The following SLC25A13 variants were observed in gnomAD, a reference collection of about 807,000 sequenced individuals.
SLC25A13 encodes electrogenic aspartate/glutamate antiporter SLC25A13, mitochondrial.
Under a neutral mutation model 85.5 loss-of-function variants are expected in SLC25A13, and 70 were observed. That is an observed-to-expected ratio of 0.82 (90% confidence interval 0.68 to 1.00). The LOEUF (loss-of-function observed/expected upper bound fraction) is 1.00. SLC25A13 is among the 50% of genes least tolerant of loss of function. SLC25A13 has a pLI of 0.00. For synonymous variants in SLC25A13, 259 were observed against 288.7 expected (o/e 0.90, Z 1.04); for missense variants, 765 against 819.8 (o/e 0.93, Z 0.82).
chr7:96,300,516 C>T (rs765182305), intron 1 of SLC25A13, among the ~76,000 whole-genome samples: 5 of 152,160 alleles, frequency 3.3e-5, no homozygotes, highest in South Asian at 2.1e-4. Context: ...TTATGTTCTA[C>T]CATGTTTACT....
At chr7:96,140,669 C>G (rs554286579) in intron 14 of SLC25A13, among the ~76,000 whole-genome samples, 72 of 152,092 alleles carry the variant, frequency 4.7e-4, no homozygotes, top group African/African-American at 1.7e-3. Flanking sequence ...TCCCACAGTG[C>G]TGGGATTACA....
At chr7:96,178,908 G>T (rs1794322163) in intron 11 of SLC25A13, among the ~76,000 whole-genome samples, 4 of 152,164 alleles carry the variant, frequency 2.6e-5, no homozygotes, top group African/African-American at 9.7e-5. Flanking sequence ...AGGCTCTTTG[G>T]GCTGCTACCC....
chr7:96,303,695 A>G (rs1164197366), intron 1 of SLC25A13, among the ~76,000 whole-genome samples: 1 of 152,024 alleles, frequency 6.6e-6, no homozygotes, highest in Non-Finnish European at 1.5e-5. Flanking sequence ...AGCACGCACC[A>G]TTGCTGGAAG....
chr7:96,218,311 T>G (rs1248698101), intron 4 of SLC25A13, among the ~76,000 whole-genome samples: 1 of 152,132 alleles, frequency 6.6e-6, no homozygotes, highest in African/African-American at 2.4e-5. Context: ...AACTAAGTAA[T>G]TTTCTATTAT....
At chr7:96,295,246 C>G (rs768055551) in intron 2 of SLC25A13, among the ~76,000 whole-genome samples, 9 of 152,048 alleles carry the variant, frequency 5.9e-5, no homozygotes, top group Non-Finnish European at 1.0e-4. Flanking sequence ...ATCCCAGCTA[C>G]CCAGGAGCCT....
At chr7:96,230,020 A>C (rs1796478224) in intron 4 of SLC25A13, among the ~76,000 whole-genome samples, 1 of 152,208 alleles carries the variant, frequency 6.6e-6, no homozygotes, top group African/African-American at 2.4e-5. Context: ...ATGTCTATAC[A>C]CACCAAAAAA....
chr7:96,249,879 C>CAAAAAAA (rs11368398), intron 3 of SLC25A13, among the ~76,000 whole-genome samples: 1 of 111,648 alleles, frequency 9.0e-6, no homozygotes. Flanking sequence ...CTTAACTTAG[C>CAAAAAAA]AAAAAAAAAA....
Position 96,306,664 on chromosome 7 carries a change from T to C in SLC25A13, c.16-9713A>G, listed in dbSNP as rs1799756252. ...CTTTTGAGCCTCAGCTCTCTTCCTC[T>C]TCTTCTCCTAGGATGGGAGTACAGC... On this transcript the variant is annotated intron_variant, in intron 1 of 17. Coordinates refer to ENST00000265631, the MANE Select transcript of SLC25A13 (RefSeq NM_014251.3). 2.0e-5 allele frequency: 14 copies of C among 715,020 alleles called. No individual in the cohort carries two copies. In the East Asian group the frequency reaches 4.8e-4, roughly 24 times the overall value. The allele number at this position is 715,020 out of a possible 1,614,324, so 44.3% of individuals were successfully genotyped here.
intron 3 of SLC25A13, among the ~76,000 whole-genome samples, chr7:96,256,458 C>T (rs907587883): frequency 6.6e-6 from 1 of 151,816 alleles, no homozygotes; most frequent in African/African-American, 2.4e-5. Context: ...AACAGAGATC[C>T]AAAAAGACAA....
At chr7:96,251,656 T>C (rs1393108269) in intron 3 of SLC25A13, among the ~76,000 whole-genome samples, 1 of 152,218 alleles carries the variant, frequency 6.6e-6, no homozygotes, top group African/African-American at 2.4e-5. Flanking sequence ...ACCAGTTGCA[T>C]TGCATCTGAA....
Position 96,148,466 on chromosome 7 carries a change from G to A in SLC25A13, c.1312-1770C>T, listed in dbSNP as rs1792893772. On this transcript the variant is annotated intron_variant, in intron 13 of 17. Coordinates refer to ENST00000265631, the MANE Select transcript of SLC25A13 (RefSeq NM_014251.3). ...GATATGGACTCAGCTATTTACGGTT[G>A]GCAGAATGATGAGTTGAAACACACC... Among the ~76,000 whole-genome samples the A allele has an allele frequency of 2.6e-5, 4 of 152,302 alleles. No homozygotes were observed. In the South Asian group the frequency reaches 8.3e-4, roughly 32 times the overall value.
intron 3 of SLC25A13, among the ~76,000 whole-genome samples, chr7:96,243,450 T>G (rs1797066637): frequency 6.6e-6 from 1 of 152,138 alleles, no homozygotes; most frequent in Non-Finnish European, 1.5e-5. Flanking sequence ...AGACAACCAC[T>G]GCATAGGGTA....
At chr7:96,302,669 G>C (rs1308572364) in intron 1 of SLC25A13, among the ~76,000 whole-genome samples, 1 of 152,164 alleles carries the variant, frequency 6.6e-6, no homozygotes, top group Non-Finnish European at 1.5e-5. Context: ...AGATTCTCTG[G>C]AAGTGCTGAA....
intron 4 of SLC25A13, among the ~76,000 whole-genome samples, chr7:96,214,754 A>T (rs980959502): frequency 6.6e-5 from 10 of 152,152 alleles, no homozygotes; most frequent in Admixed American, 1.3e-4. Context: ...AATTAATTTT[A>T]AAAAAACTCA....
intron 4 of SLC25A13, among the ~76,000 whole-genome samples, chr7:96,222,752 A>G (rs1796180732): frequency 6.6e-6 from 1 of 151,952 alleles, no homozygotes; most frequent in South Asian, 2.1e-4. Flanking sequence ...CTCTTTTTGT[A>G]TTTTTAATAA....
chr7:96,273,341 A>T (rs1411262696), intron 3 of SLC25A13, among the ~76,000 whole-genome samples: 1 of 152,240 alleles, frequency 6.6e-6, no homozygotes, highest in East Asian at 1.9e-4. Context: ...AGAAACAAGA[A>T]TAGGCAAAGA....
chr7:96,200,374 G>A (rs1373369572), intron 5 of SLC25A13, among the ~76,000 whole-genome samples: 9 of 152,096 alleles, frequency 5.9e-5, no homozygotes, highest in Non-Finnish European at 1.3e-4. Context: ...ATACTGGTTT[G>A]CATATAAATA....
At chr7:96,221,905 TTAAC>T (rs1427183256) in intron 4 of SLC25A13, among the ~76,000 whole-genome samples, 2 of 152,200 alleles carry the variant, frequency 1.3e-5, no homozygotes, top group Non-Finnish European at 2.9e-5. Flanking sequence ...CATCAGAGAA[TTAAC>T]TAACTGAGGA....
intron 3 of SLC25A13, among the ~76,000 whole-genome samples, chr7:96,239,558 C>G (rs1796885731): frequency 6.6e-6 from 1 of 152,052 alleles, no homozygotes. Context: ...GTTAGATTCC[C>G]TTTAAAATGA....
Sources: allele counts gnomAD v4.1 joint callset (sites outside exome capture counted in the v4.1 genomes callset), GRCh38; gene constraint gnomAD v4.1.1; transcripts MANE v1.5; gene names NCBI Gene and HGNC (gene_info 2026-07-23, HGNC 2026-07-21).